NBEA: variants seen among roughly 807,000 people sequenced by gnomAD.
NBEA encodes the protein lysosomal-trafficking regulator 2.
Under a neutral mutation model 343.4 loss-of-function variants are expected in NBEA, and 44 were observed. That is an observed-to-expected ratio of 0.13 (90% CI 0.10 to 0.16). NBEA has a LOEUF of 0.16. Among genes scored for constraint, NBEA ranks in the 10% least tolerant of loss-of-function variants. The pLI is 1.00. For missense variants in NBEA, 2,555 were observed against 3,631.3 expected, an observed-to-expected ratio of 0.70 and a Z score of 7.62; for synonymous variants, 1,175 against 1,238.7, an observed-to-expected ratio of 0.95 and a Z score of 1.08.
chr13:35,049,057 G>A (rs2062968568), intron 5 of NBEA, among the ~76,000 whole-genome samples: 1 of 151,640 alleles, frequency 6.6e-6, no homozygotes, highest in Non-Finnish European at 1.5e-5. Flanking sequence ...CACTTACTTT[G>A]TTCTATGAGC....
At chr13:35,454,116 T>G (rs2046441611) in intron 40 of NBEA, among the ~76,000 whole-genome samples, 1 of 152,190 alleles carries the variant, frequency 6.6e-6, no homozygotes, top group Non-Finnish European at 1.5e-5. Flanking sequence ...CTCTGCCTAC[T>G]CTGTAGAGTT....
At chr13:35,504,633 CTTTTTTTTTCCTCTTTT>C (rs2077005258) in intron 41 of NBEA, among the ~76,000 whole-genome samples, 1 of 151,376 alleles carries the variant, frequency 6.6e-6, no homozygotes, top group Non-Finnish European at 1.5e-5. Context: ...TAGGAGGGAA[CTTTTTTTTTCCTCTTTT>C]GATACACGGT....
intron 10 of NBEA, among the ~76,000 whole-genome samples, chr13:35,094,188 TTA>T (rs1313404562): frequency 2.6e-5 from 4 of 152,040 alleles, no homozygotes; most frequent in African/African-American, 4.8e-5. Flanking sequence ...AACCTCACTT[TTA>T]ATAGAGTCTC....
intron 47 of NBEA, among the ~76,000 whole-genome samples, chr13:35,593,675 T>C (rs2081633191): frequency 6.6e-6 from 1 of 152,120 alleles, no homozygotes; most frequent in South Asian, 2.1e-4. Context: ...AAAAAATTCC[T>C]ACCTAATTTA....
At chr13:35,328,293 G>A (rs548617293) in intron 36 of NBEA, among the ~76,000 whole-genome samples, 1 of 151,892 alleles carries the variant, frequency 6.6e-6, no homozygotes, top group South Asian at 2.1e-4. Flanking sequence ...GAAGCACTTA[G>A]GGGTATACTT....
chr13:35,233,179 T>A (rs1401766674), intron 34 of NBEA, among the ~76,000 whole-genome samples: 1 of 152,144 alleles, frequency 6.6e-6, no homozygotes, highest in Non-Finnish European at 1.5e-5. Flanking sequence ...AAATCGTATT[T>A]CTTTTTAAAA....
intron 2 of NBEA, among the ~76,000 whole-genome samples, chr13:35,043,117 A>G (rs376354835): frequency 1.3e-5 from 2 of 151,852 alleles, no homozygotes; most frequent in South Asian, 2.1e-4. Context: ...TACATATACA[A>G]TATATAAGTA....
chr13:35,321,848 C>T (rs913806345), intron 36 of NBEA, among the ~76,000 whole-genome samples: 2 of 152,160 alleles, frequency 1.3e-5, no homozygotes, highest in Admixed American at 6.5e-5. Context: ...TGCTGAGCTG[C>T]GGAGGGCTCC....
At chr13:35,123,438 T>C in intron 16 of NBEA, 44 bp from the exon 17 acceptor site, 1 of 1,176,446 alleles carries the variant, frequency 8.5e-7, no homozygotes, top group South Asian at 2.0e-5. Flanking sequence ...GTTTTTGTTT[T>C]TAATATTAGT....
intron 41 of NBEA, chr13:35,475,113 C>T (rs751877846): frequency 1.2e-6 from 2 of 1,613,986 alleles, no homozygotes; most frequent in African/African-American, 2.7e-5. Flanking sequence ...CCAGTCGCCA[C>T]GTTTGTTTGG....
intron 41 of NBEA, chr13:35,476,415 CT>C (rs2075875911): frequency 2.1e-6 from 2 of 966,402 alleles, no homozygotes; most frequent in Admixed American, 2.0e-5. Flanking sequence ...GTCCTCCCCC[CT>C]CTGCTTGTCT....
At chr13:35,636,653 G>A (rs1362012518) in intron 49 of NBEA, among the ~76,000 whole-genome samples, 1 of 152,076 alleles carries the variant, frequency 6.6e-6, no homozygotes, top group Non-Finnish European at 1.5e-5. Flanking sequence ...TCCTGAATCA[G>A]CCAGCATAGA....
intron 37 of NBEA, among the ~76,000 whole-genome samples, chr13:35,351,672 G>T (rs2152865126): frequency 6.6e-6 from 1 of 152,012 alleles, no homozygotes; most frequent in South Asian, 2.1e-4. Flanking sequence ...TGCATATTTT[G>T]TGAATTAAAA....
intron 1 of NBEA, among the ~76,000 whole-genome samples, chr13:34,992,258 A>T (rs2060786271): frequency 7.4e-6 from 1 of 135,110 alleles, no homozygotes; most frequent in African/African-American, 2.9e-5. Flanking sequence ...ATATATATAT[A>T]TATATTTTTT....
At chr13:35,347,467 G>T (rs2039948699) in intron 36 of NBEA, among the ~76,000 whole-genome samples, 1 of 152,012 alleles carries the variant, frequency 6.6e-6, no homozygotes, top group African/African-American at 2.4e-5. Flanking sequence ...CAAAGGAACT[G>T]AAACCACTTC....
intron 44 of NBEA, among the ~76,000 whole-genome samples, chr13:35,564,883 G>A (rs2080058680): frequency 6.6e-6 from 1 of 151,972 alleles, no homozygotes; most frequent in South Asian, 2.1e-4. Flanking sequence ...CTGAAATTTG[G>A]GTCATTTTAT....
chr13:35,222,656 A>T (rs2074433936), intron 33 of NBEA, among the ~76,000 whole-genome samples: 1 of 152,116 alleles, frequency 6.6e-6, no homozygotes, highest in African/African-American at 2.4e-5. Flanking sequence ...AACTTTTTAA[A>T]CATTTTAGGG....
chr13:35,029,877 A>G (rs1032592097), intron 1 of NBEA, among the ~76,000 whole-genome samples: 1 of 151,668 alleles, frequency 6.6e-6, no homozygotes, highest in Non-Finnish European at 1.5e-5. Context: ...TGTGATATTT[A>G]TTTTACACAA....
In NBEA at chr13:35,251,487, T is replaced by C. The variant is rs552333167; in HGVS notation, c.5776+18868T>C. The stretch of plus-strand genomic sequence containing the variant: ...AGAGCTGTTCCCCAAGCCAGGTGAG[T>C]GATGACCTTGTGGAGTGAGCAGCGG... On this transcript the variant is annotated intron_variant, in intron 34 of 58. Coordinates refer to ENST00000379939, the MANE Select transcript of NBEA (RefSeq NM_001385012.1). 1.0e-4 allele frequency: 107 copies of C among 1,075,290 alleles called. No individual in the cohort carries two copies. In the African/African-American group the frequency reaches 1.6e-3, roughly 16 times the overall value. The allele number at this position is 1,075,290 out of a possible 1,614,324, so 66.6% of individuals were successfully genotyped here.
Sources: gnomAD v4.1 joint callset for allele counts (sites outside exome capture counted in the v4.1 genomes callset) on GRCh38, gnomAD v4.1.1 for gene constraint, MANE v1.5 for transcripts, NCBI Gene and HGNC (gene_info 2026-07-23, HGNC 2026-07-21) for gene names.